Variants in BCAS3 observed in about 807,000 individuals in gnomAD.
BCAS3 encodes the protein BCAS4/BCAS3 fusion.
Under a neutral mutation model 116.1 loss-of-function variants are expected in BCAS3, and 53 were observed. That is an observed-to-expected ratio of 0.46 (90% CI 0.37 to 0.57). The LOEUF is 0.57. Among genes scored for constraint, BCAS3 ranks in the 20% least tolerant of loss-of-function variants. BCAS3 has a pLI of 0.00. For missense variants in BCAS3, 917 were observed against 1,165.4 expected (o/e 0.79, Z 3.10); for synonymous variants, 391 against 408.2 (o/e 0.96, Z 0.51).
At chr17:60,975,192 G>A (rs2062248352) in intron 14 of BCAS3, among the ~76,000 whole-genome samples, 1 of 151,194 alleles carries the variant, frequency 6.6e-6, no homozygotes, top group Admixed American at 6.6e-5. Context: ...TAGTAGAGAC[G>A]GGGTTTCACC....
intron 22 of BCAS3, among the ~76,000 whole-genome samples, chr17:61,143,792 G>A (rs1298651601): frequency 1.3e-5 from 2 of 152,174 alleles, no homozygotes; most frequent in African/African-American, 2.4e-5. Context: ...CTGGGCGACA[G>A]AGCAAGACTC....
rs77016112 is a variant in BCAS3, at chr17:60,960,884, A to C, written c.1221+13532A>C. 6.6e-6 allele frequency among the ~76,000 whole-genome samples: 1 copy of C among 151,078 alleles called. No homozygotes were observed. The highest frequency in any genetic ancestry group is 1.5e-5 in the Non-Finnish European group (1 of 67,886). Reference sequence around the variant, plus strand: ...ACCTTGTGTATCTCCTGTGTATGTCATGGGGATCCATGCCATCAGACAAGA... The same window carrying C: ...ACCTTGTGTATCTCCTGTGTATGTCCTGGGGATCCATGCCATCAGACAAGA... On this transcript the variant is annotated intron_variant, in intron 14 of 23. Coordinates refer to ENST00000407086, the MANE Select transcript of BCAS3 (RefSeq NM_017679.5). This position sits in a 1 kb window ranked among gnomAD's most constrained non-coding sequence, Gnocchi z 4.1.
intron 19 of BCAS3, among the ~76,000 whole-genome samples, chr17:61,066,304 T>C (rs901672324): frequency 2.6e-5 from 4 of 152,192 alleles, no homozygotes; most frequent in Admixed American, 6.5e-5. Context: ...CCAAACCAAA[T>C]AGACTTTTCC....
chr17:60,792,746 T>C (rs2046886514), intron 6 of BCAS3, among the ~76,000 whole-genome samples: 1 of 152,164 alleles, frequency 6.6e-6, no homozygotes, highest in Non-Finnish European at 1.5e-5. Flanking sequence ...ACTTCTGCTT[T>C]GTGTTATGAG....
intron 22 of BCAS3, among the ~76,000 whole-genome samples, chr17:61,267,011 C>CT (rs1359453515): frequency 6.6e-6 from 1 of 152,188 alleles, no homozygotes; most frequent in Non-Finnish European, 1.5e-5. Context: ...TTCTTTGCTT[C>CT]TTGTCCCCTT....
At chr17:61,079,541 C>T (rs911437025) in intron 21 of BCAS3, among the ~76,000 whole-genome samples, 5 of 152,104 alleles carry the variant, frequency 3.3e-5, no homozygotes, top group Non-Finnish European at 7.4e-5. Flanking sequence ...CTTCATCTCA[C>T]TCCCTAATCC....
In BCAS3 at chr17:61,105,239, C is replaced by T. The variant is rs770643077; in HGVS notation, c.2425+20675C>T. On this transcript the variant is annotated intron_variant, in intron 22 of 23. Transcript: ENST00000407086. The surrounding 1 kb of genome is among the most constrained non-coding windows in gnomAD (Gnocchi z 4.3). ...CCAGTTTTCCACTCAGGTGGTTTAC[C>T]CCAAAACCTGGCCTTTGCTTTCCTC... is the stretch of plus-strand genomic sequence containing the variant. Among the ~76,000 whole-genome samples, 2 of 152,114 alleles carry T rather than the reference C, an allele frequency of 1.3e-5. No individual in the cohort carries two copies. Among genetic ancestry groups the T allele is most frequent in the Non-Finnish European group, 2.9e-5 (2 of 68,020 alleles).
chr17:61,363,021 C>T lies in BCAS3; in HGVS notation c.2426-5306C>T, dbSNP rs1196533662. ...AATAAACGAACCTGTTTTGAGCAAGCATGATGTACAAAGTTCGGTGCCTAT... is the reference window on the plus strand; with the variant it reads ...AATAAACGAACCTGTTTTGAGCAAGTATGATGTACAAAGTTCGGTGCCTAT... On this transcript the variant is annotated intron_variant, in intron 22 of 23. Transcript: ENST00000407086. This position sits in a 1 kb window ranked among gnomAD's most constrained non-coding sequence, Gnocchi z 4.9. Among the ~76,000 whole-genome samples, 2 of 152,292 alleles carry T rather than the reference C, an allele frequency of 1.3e-5. No individual in the cohort carries two copies. Among genetic ancestry groups the T allele is most frequent in the East Asian group, 3.9e-4 (2 of 5,174 alleles).
intron 10 of BCAS3, among the ~76,000 whole-genome samples, chr17:60,902,342 A>G (rs1488531697): frequency 6.6e-6 from 1 of 152,314 alleles, no homozygotes; most frequent in South Asian, 2.1e-4. Flanking sequence ...CCAGACCCCA[A>G]TCCTACCATT....
chr17:60,862,158 C>T (rs1165289620), intron 7 of BCAS3, among the ~76,000 whole-genome samples: 1 of 152,168 alleles, frequency 6.6e-6, no homozygotes, highest in Non-Finnish European at 1.5e-5. Flanking sequence ...TGGCAAGCGC[C>T]TGTAGTCCCA....
intron 14 of BCAS3, among the ~76,000 whole-genome samples, chr17:60,984,899 A>AT (rs769447851): frequency 2.7e-5 from 4 of 148,430 alleles, no homozygotes; most frequent in Non-Finnish European, 4.5e-5. Context: ...AATCCCAGCT[A>AT]TTTGGGAGGC....
chr17:61,386,337 G>A (rs1191890166), intron 23 of BCAS3, among the ~76,000 whole-genome samples: 4 of 152,202 alleles, frequency 2.6e-5, no homozygotes, highest in Non-Finnish European at 5.9e-5. Context: ...CTGGCCAGGG[G>A]AAACATCCTC....
chr17:61,094,166 C>T (rs1568339324), intron 22 of BCAS3, among the ~76,000 whole-genome samples: 1 of 152,146 alleles, frequency 6.6e-6, no homozygotes, highest in Non-Finnish European at 1.5e-5. Flanking sequence ...CTTTTTTAAG[C>T]TGTATTCACC....
At chr17:60,770,837 T>G (rs1468367184) in intron 6 of BCAS3, among the ~76,000 whole-genome samples, 1 of 65,804 alleles carries the variant, frequency 1.5e-5, no homozygotes, top group South Asian at 3.9e-4. Flanking sequence ...GAAATTTGTT[T>G]TTTTTTTTTT....
rs1214743258 is a variant in BCAS3, at chr17:61,093,688, A to T, written c.2425+9124A>T. Among the ~76,000 whole-genome samples, 4 of 152,186 alleles carry T rather than the reference A, an allele frequency of 2.6e-5. No individual in the cohort carries two copies. The East Asian group carries it at 7.7e-4, about 29-fold the overall frequency. On this transcript the variant is annotated intron_variant, in intron 22 of 23. Transcript: ENST00000407086. ...TTTATCAAAAAGATACGCCTTTCCT[A>T]TTATGAATTGCACTGATGCCTTTTT...
chr17:61,364,116 G>C lies in BCAS3; in HGVS notation c.2426-4211G>C, dbSNP rs2058604562. Among the ~76,000 whole-genome samples, 2 of 152,234 alleles carry C rather than the reference G, an allele frequency of 1.3e-5. No individual in the cohort carries two copies. The highest frequency in any genetic ancestry group is 4.1e-4 in the South Asian group (2 of 4,834). On this transcript the variant is annotated intron_variant, in intron 22 of 23. Transcript: ENST00000407086. This position sits in a 1 kb window ranked among gnomAD's most constrained non-coding sequence, Gnocchi z 5.4. The stretch of plus-strand genomic sequence containing the variant: ...TCCTAGCAGGATAAGCAGGACCACT[G>C]ATTGTATCCTCTCTATGACGTCTCA...
rs1030342226 is a variant in BCAS3 at position 61,219,788 on chromosome 17, G to T, written c.2425+135224G>T. Among the ~76,000 whole-genome samples, 5 of 152,092 alleles carry T rather than the reference G, an allele frequency of 3.3e-5. No individual in the cohort carries two copies. Among genetic ancestry groups the T allele is most frequent in the African/African-American group, 1.2e-4 (5 of 41,394 alleles). ...CTGGTGACAAGCACTTCTTATTTGGGCTGAGCAGTACTAGGACTTGAATTC... is the reference window on the plus strand; with the variant it reads ...CTGGTGACAAGCACTTCTTATTTGGTCTGAGCAGTACTAGGACTTGAATTC... On this transcript the variant is annotated intron_variant, in intron 22 of 23. Transcript: ENST00000407086. The surrounding 1 kb of genome is among the most constrained non-coding windows in gnomAD (Gnocchi z 5.2).
At chr17:60,849,269 CTG>C in intron 7 of BCAS3, among the ~76,000 whole-genome samples, 1 of 150,670 alleles carries the variant, frequency 6.6e-6, no homozygotes, top group Admixed American at 6.6e-5. Flanking sequence ...AACTGAATCT[CTG>C]TGTTCAGTTC....
intron 22 of BCAS3, among the ~76,000 whole-genome samples, chr17:61,329,194 C>T (rs1343925429): frequency 6.6e-6 from 1 of 151,784 alleles, no homozygotes; most frequent in African/African-American, 2.4e-5. Flanking sequence ...AAAGCAGGCT[C>T]TTTTTCTAAG....
Sources: allele counts gnomAD v4.1 joint callset (sites outside exome capture counted in the v4.1 genomes callset), GRCh38; gene constraint gnomAD v4.1.1; non-coding constraint Gnocchi (gnomAD v3.1); transcripts MANE v1.5; gene names NCBI Gene and HGNC (gene_info 2026-07-23, HGNC 2026-07-21).